SAMHD1: variants seen among roughly 807,000 people sequenced by gnomAD.
The protein encoded by SAMHD1 is deoxynucleoside triphosphate triphosphohydrolase SAMHD1.
SAMHD1 carries 54 observed loss-of-function variants against 79.6 expected under a neutral mutation model. The ratio of observed to expected loss-of-function variants is 0.68; its 90% CI spans 0.55 to 0.85. The LOEUF (loss-of-function observed/expected upper bound fraction) is 0.85. Among genes scored for constraint, SAMHD1 ranks in the 40% least tolerant of loss-of-function variants. SAMHD1 has a pLI of 0.00. For synonymous variants in SAMHD1, 260 were observed against 264.1 expected (o/e 0.98, Z 0.15); for missense variants, 663 against 782.7 (o/e 0.85, Z 1.82).
At chr20:36,897,224 A>AC (rs1990214783) in intron 15 of SAMHD1, among the ~76,000 whole-genome samples, 1 of 152,208 alleles carries the variant, frequency 6.6e-6, no homozygotes, top group Non-Finnish European at 1.5e-5. Flanking sequence ...GCAGTAAAGC[A>AC]CTGTTGCCCT....
rs187649223 is a variant in SAMHD1 at position 36,944,231 on chromosome 20, C to T, written c.275+2507G>A. Among the ~76,000 whole-genome samples, 500 of 151,550 alleles carry T rather than the reference C, an allele frequency of 3.3e-3. 3 individuals are homozygous for T. The highest frequency in any genetic ancestry group is 0.012 in the African/African-American group (477 of 41,324). On this transcript the variant is annotated intron_variant, in intron 2 of 15. Transcript: ENST00000646673. ...GCATGGTGGCACATGCCAGTAGTCC[C>T]AGCTACTTAGGAGGCTGAGGCAGGA...
chr20:36,906,155 T>G (rs1367067967), intron 11 of SAMHD1, among the ~76,000 whole-genome samples: 1 of 151,764 alleles, frequency 6.6e-6, no homozygotes, highest in African/African-American at 2.4e-5. Context: ...GAAAGAATGG[T>G]GGCTAGGCGC....
rs767971429 is a variant in SAMHD1 at position 36,930,875 on chromosome 20, C to G, written c.510G>C (p.Gly170=). The G allele has an allele frequency of 1.1e-4, 184 of 1,607,148 alleles. No homozygotes were observed. The highest frequency in any genetic ancestry group is 1.5e-4 in the Non-Finnish European group (180 of 1,173,908). Residue 170 remains glycine (G), a splice_region_variant and synonymous_variant, in exon 5 of 16, where the codon GGG becomes GGC. Coordinates refer to ENST00000646673, the MANE Select transcript of SAMHD1 (RefSeq NM_015474.4). ...CTAGACATCCTGCTAGATACCCCACCCTGCAGAGCAAAAACACAAAAAGTC... is the reference window on the plus strand; with the variant it reads ...CTAGACATCCTGCTAGATACCCCACGCTGCAGAGCAAAAACACAAAAAGTC... ...ASHNRFEHSL[G]VGYLAGCLVH...
intron 3 of SAMHD1, chr20:36,940,733 A>G (rs1026980045): frequency 2.4e-6 from 1 of 420,202 alleles, no homozygotes; most frequent in Admixed American, 3.9e-5. Flanking sequence ...GGAGGTCTTC[A>G]ATAGTTTCTA....
At chr20:36,897,597 G>C in intron 15 of SAMHD1, 1 of 585,128 alleles carries the variant, frequency 1.7e-6, no homozygotes, top group Non-Finnish European at 3.0e-6. Context: ...TTTATTATTA[G>C]GACAATAATG....
Position 36,898,091 on chromosome 20 carries a change from G to A in SAMHD1, c.1609-132C>T, listed in dbSNP as rs141604141. On this transcript the variant is annotated intron_variant, in intron 14 of 15. Transcript: ENST00000646673. ...CTGTCACCCAGGCTGGAGTGCAGTG[G>A]CACAATCACAGCTCACTGAAGCCTT... The A allele has an allele frequency of 1.0e-3, 1,136 of 1,109,766 alleles. 4 individuals are homozygous for A. In the African/African-American group the frequency reaches 0.012, roughly 12 times the overall value. 68.7% of individuals were successfully genotyped at this position (1,109,766 alleles called of 1,614,324 possible). A position where few individuals can be genotyped will look rare whatever the true frequency, so the allele number is the denominator to read the frequency against.
rs560560498 is a variant in SAMHD1 at position 36,892,064 on chromosome 20, G to C, written c.*868C>G. On this transcript the variant is annotated 3_prime_UTR_variant, in exon 16 of 16. Transcript: ENST00000646673. ...TTCAGGGGACAAAGGCACTACCCGG[G>C]TCTGGAGCCGCCACGGAGCCAGGGC... The C allele has an allele frequency of 6.6e-6, 1 of 152,548 alleles. No homozygotes were observed. The highest frequency in any genetic ancestry group is 1.9e-4 in the East Asian group (1 of 5,180). 9.4% of individuals were successfully genotyped at this position (152,548 alleles called of 1,614,324 possible).
chr20:36,896,133 C>T (rs377059013), intron 15 of SAMHD1, among the ~76,000 whole-genome samples: 102 of 149,898 alleles, frequency 6.8e-4, no homozygotes, highest in African/African-American at 2.2e-3. Context: ...GTGCAGTCGC[C>T]GGCTAATTTT....
In SAMHD1 at chr20:36,891,220, G is replaced by A. The variant is rs1404250346; in HGVS notation, c.*1712C>T. 2 of 152,284 alleles carry A rather than the reference G, an allele frequency of 1.3e-5. No homozygotes were observed. The highest frequency in any genetic ancestry group is 2.9e-5 in the Non-Finnish European group (2 of 68,098). The allele number at this position is 152,284 out of a possible 1,614,324, so 9.4% of individuals were successfully genotyped here. On this transcript the variant is annotated 3_prime_UTR_variant, in exon 16 of 16. Transcript: ENST00000646673. ...TTGTAACCAACCCTTATTATCTACTGATGGATGGACAGGGGGTGGGGTGAT... is the reference window on the plus strand; with the variant it reads ...TTGTAACCAACCCTTATTATCTACTAATGGATGGACAGGGGGTGGGGTGAT...
Position 36,927,211 on chromosome 20 carries a change from G to A in SAMHD1, c.667C>T (p.Pro223Ser), listed in dbSNP as rs1235181942. The A allele has an allele frequency of 3.1e-6, 5 of 1,613,106 alleles. No homozygotes were observed. The highest frequency in any genetic ancestry group is 1.3e-5 in the African/African-American group (1 of 74,764). Residue 223 changes from proline to serine, a missense_variant, in exon 6 of 16, where the codon CCA becomes TCA. Coordinates refer to ENST00000646673, the MANE Select transcript of SAMHD1 (RefSeq NM_015474.4). The part of the protein sequence containing the change: ...FSHMFDGRFI[P>S]LARPEVKWTH... ...CATTTCACCTCCGGGCGAGCAAGTG[G>A]AATAAATCGTCCATCAAACATGTGA...
rs758586131 is a variant in SAMHD1 at position 36,941,097 on chromosome 20, C to G, written c.290G>C (p.Arg97Thr). Reference protein sequence around the residue: ...ENLGVSSLGERKKLLSYIQRL... With the variant: ...ENLGVSSLGETKKLLSYIQRL... The stretch of plus-strand genomic sequence containing the variant: ...CTGGATATAACTAAGCAGCTTCTTC[C>G]TCTCCCCCAAGGAACTAAAATTACA... The change falls in exon 3 of 16, where the codon AGG (arginine) becomes ACG (threonine). Residue 97 changes from arginine (R) to threonine (T), a missense_variant. Transcript: ENST00000646673. The G allele has an allele frequency of 6.2e-7, 1 of 1,612,644 alleles. No homozygotes were observed. The highest frequency in any genetic ancestry group is 8.5e-7 in the Non-Finnish European group (1 of 1,178,912).
intron 15 of SAMHD1, among the ~76,000 whole-genome samples, chr20:36,896,602 C>T (rs986608288): frequency 2.6e-5 from 4 of 151,872 alleles, no homozygotes; most frequent in Non-Finnish European, 5.9e-5. Context: ...TTTGGGGGGC[C>T]GAGGTGGGCG....
chr20:36,938,653 G>A (rs6030300), intron 3 of SAMHD1, among the ~76,000 whole-genome samples: 30 of 151,956 alleles, frequency 2.0e-4, no homozygotes, highest in Admixed American at 1.4e-3. Context: ...TAGCTAACGC[G>A]GTGAAACCCC....
At chr20:36,947,551 G>GGTGTGT (rs71186095) in intron 1 of SAMHD1, among the ~76,000 whole-genome samples, 778 of 75,748 alleles carry the variant, frequency 0.01, 43 homozygotes, top group African/African-American at 0.02. Context: ...TTGGAAGAGG[G>GGTGTGT]GTGTGTGTGT....
chr20:36,944,905 A>G (rs964719237), intron 2 of SAMHD1, among the ~76,000 whole-genome samples: 1 of 152,214 alleles, frequency 6.6e-6, no homozygotes, highest in African/African-American at 2.4e-5. Flanking sequence ...AAAAAAAAGA[A>G]GTATTTAAGC....
At chr20:36,910,314 G>C (rs1370212507) in intron 11 of SAMHD1, among the ~76,000 whole-genome samples, 1 of 151,626 alleles carries the variant, frequency 6.6e-6, no homozygotes, top group Non-Finnish European at 1.5e-5. Context: ...GAGGCAAGAG[G>C]ATCACTTGAG....
At position 36,905,422 on chromosome 20, in the gene SAMHD1, C is replaced by T. The variant is rs928144229; in HGVS notation, c.1352G>A (p.Arg451His). Reference sequence around the variant, plus strand: ...CTCACCCACATACTTGAATAGATTACGGTATTCAATTTGTTTTAAAATCTC... The same window carrying T: ...CTCACCCACATACTTGAATAGATTATGGTATTCAATTTGTTTTAAAATCTC... Reference protein sequence around the residue: ...AREILKQIEYRNLFKYVGETQ... With the variant: ...AREILKQIEYHNLFKYVGETQ... The change falls in exon 12 of 16, where the codon CGT becomes CAT. Residue 451 changes from arginine (R) to histidine (H), a missense_variant. Coordinates refer to ENST00000646673, the MANE Select transcript of SAMHD1 (RefSeq NM_015474.4). The T allele has an allele frequency of 6.8e-6, 11 of 1,612,878 alleles. No homozygotes were observed. Among genetic ancestry groups the T allele is most frequent in the East Asian group, 4.5e-5 (2 of 44,860 alleles).
chr20:36,944,672 A>T (rs1426826490), intron 2 of SAMHD1, among the ~76,000 whole-genome samples: 2 of 152,146 alleles, frequency 1.3e-5, no homozygotes, highest in Admixed American at 6.6e-5. Flanking sequence ...AGGTGGGTGG[A>T]TCACCTGAGG....
At chr20:36,912,999 C>CA (rs1555833603) in intron 9 of SAMHD1, among the ~76,000 whole-genome samples, 2 of 106,322 alleles carry the variant, frequency 1.9e-5, no homozygotes, top group East Asian at 2.7e-4. Context: ...TTCTTTCTTC[C>CA]TTTTTTTTTT....
Sources: allele counts gnomAD v4.1 joint callset (sites outside exome capture counted in the v4.1 genomes callset), GRCh38; gene constraint gnomAD v4.1.1; transcripts MANE v1.5; gene names NCBI Gene and HGNC (gene_info 2026-07-23, HGNC 2026-07-21).